Variants in ZBTB20 observed in about 807,000 individuals in gnomAD.
ZBTB20 encodes the protein zinc finger and BTB domain-containing protein 20.
In ZBTB20, 9 loss-of-function variants were observed where a neutral mutation model predicts 56.9. That is an observed-to-expected ratio of 0.16 (90% CI 0.10 to 0.28). ZBTB20 has a LOEUF of 0.28. Among genes scored for constraint, ZBTB20 ranks in the 10% least tolerant of loss-of-function variants. The pLI is 1.00. For synonymous variants in ZBTB20, 417 were observed against 420.7 expected (o/e 0.99, Z 0.11); for missense variants, 655 against 1,003.0 (o/e 0.65, Z 4.69).
At chr3:114,668,463 CTTTG>C (rs1338709657) in intron 6 of ZBTB20, among the ~76,000 whole-genome samples, 5 of 152,092 alleles carry the variant, frequency 3.3e-5, no homozygotes, top group East Asian at 1.9e-4. Context: ...GCTTTGGTCC[CTTTG>C]TTTGACAAGT....
intron 7 of ZBTB20, among the ~76,000 whole-genome samples, chr3:114,480,146 T>C (rs2041361975): frequency 2.0e-5 from 3 of 151,874 alleles, no homozygotes. Flanking sequence ...CTTAGTTTTA[T>C]GAAGAAAAAA....
chr3:114,465,614 G>A (rs2092514172), intron 7 of ZBTB20, among the ~76,000 whole-genome samples: 1 of 151,950 alleles, frequency 6.6e-6, no homozygotes, highest in Non-Finnish European at 1.5e-5. Context: ...GTCTGAGGCA[G>A]GAGAATCGCT....
At position 114,321,038 on chromosome 3, in the gene ZBTB20, C is replaced by A. The variant is rs2078874998; in HGVS notation, c.*17967G>T. Reference sequence around the variant, plus strand: ...CAGGTGGTTGAGCCAGCCAAAGCCTCCAAGTTATGTTAGGTGGACAGTAAG... The same window carrying A: ...CAGGTGGTTGAGCCAGCCAAAGCCTACAAGTTATGTTAGGTGGACAGTAAG... On this transcript the variant is annotated 3_prime_UTR_variant, in exon 12 of 12. Coordinates refer to ENST00000675478, the MANE Select transcript of ZBTB20 (RefSeq NM_001348800.3). 1 of 152,112 alleles carries A rather than the reference C, an allele frequency of 6.6e-6. No homozygotes were observed. The highest frequency in any genetic ancestry group is 1.5e-5 in the Non-Finnish European group (1 of 68,022). 9.4% of individuals were successfully genotyped at this position (152,112 alleles called of 1,614,324 possible).
intron 5 of ZBTB20, among the ~76,000 whole-genome samples, chr3:114,750,930 AG>A (rs1560206396): frequency 6.6e-6 from 1 of 152,190 alleles, no homozygotes. Context: ...CATTTCAGTA[AG>A]ATATCCTTAG....
At chr3:114,529,525 T>C (rs768902215) in intron 6 of ZBTB20, 1 of 152,228 alleles carries the variant, frequency 6.6e-6, no homozygotes, top group Non-Finnish European at 1.5e-5. Context: ...TATTTACTGA[T>C]ATGTAAGCTC....
At chr3:115,073,966 G>A (rs1388613341) in intron 1 of ZBTB20, among the ~76,000 whole-genome samples, 1 of 151,682 alleles carries the variant, frequency 6.6e-6, no homozygotes, top group Non-Finnish European at 1.5e-5. Flanking sequence ...AAAACAATTG[G>A]TCCATAATTA....
chr3:114,672,454 G>A (rs2061405551), intron 6 of ZBTB20, among the ~76,000 whole-genome samples: 1 of 152,126 alleles, frequency 6.6e-6, no homozygotes, highest in Non-Finnish European at 1.5e-5. Context: ...TGACTGACTT[G>A]TTGGCTACAG....
At chr3:114,458,379 T>C (rs1013475202) in intron 7 of ZBTB20, among the ~76,000 whole-genome samples, 1 of 152,176 alleles carries the variant, frequency 6.6e-6, no homozygotes, top group African/African-American at 2.4e-5. Context: ...GATCAGTGTA[T>C]AGTAGCTATG....
chr3:114,316,500 T>C lies in ZBTB20; in HGVS notation c.*22505A>G. 1 of 524,364 alleles carries C rather than the reference T, an allele frequency of 1.9e-6. No homozygotes were observed. The highest frequency in any genetic ancestry group is 3.9e-6 in the Non-Finnish European group (1 of 255,726). 32.5% of individuals were successfully genotyped at this position (524,364 alleles called of 1,614,324 possible). On this transcript the variant is annotated 3_prime_UTR_variant, in exon 12 of 12. Coordinates refer to ENST00000675478, the MANE Select transcript of ZBTB20 (RefSeq NM_001348800.3). ...CATATACACACCTATACATGTATAA[T>C]ATATACACTATATATATGTGGATAC...
At position 114,323,222 on chromosome 3, in the gene ZBTB20, T is replaced by C. The variant is rs1253622534; in HGVS notation, c.*15783A>G. 6.6e-6 allele frequency: 1 copy of C among 152,224 alleles called. No individual in the cohort carries two copies. Among genetic ancestry groups the C allele is most frequent in the African/African-American group, 2.4e-5 (1 of 41,474 alleles). 9.4% of individuals were successfully genotyped at this position (152,224 alleles called of 1,614,324 possible). On this transcript the variant is annotated 3_prime_UTR_variant, in exon 12 of 12. Transcript: ENST00000675478. Reference sequence around the variant, plus strand: ...GTTAGGAAAAAACCAATTTCAAAACTAAACTTTTAGGCACTATTAAGGTCT... The same window carrying C: ...GTTAGGAAAAAACCAATTTCAAAACCAAACTTTTAGGCACTATTAAGGTCT...
At chr3:114,751,393 T>C (rs2067545778) in intron 5 of ZBTB20, among the ~76,000 whole-genome samples, 2 of 152,176 alleles carry the variant, frequency 1.3e-5, no homozygotes, top group Admixed American at 1.3e-4. Flanking sequence ...TCTCTTAAAA[T>C]CACTTAAACT....
chr3:114,828,089 A>T (rs570009202), intron 4 of ZBTB20, among the ~76,000 whole-genome samples: 1 of 151,904 alleles, frequency 6.6e-6, no homozygotes, highest in African/African-American at 2.4e-5. Flanking sequence ...ACATATTTTA[A>T]TCTTATAATA....
At chr3:114,997,695 TTA>T (rs1308658614) in intron 2 of ZBTB20, among the ~76,000 whole-genome samples, 1 of 151,678 alleles carries the variant, frequency 6.6e-6, no homozygotes, top group Non-Finnish European at 1.5e-5. Context: ...AAAAGTAGAA[TTA>T]GTGTTCAAAA....
intron 6 of ZBTB20, among the ~76,000 whole-genome samples, chr3:114,592,382 G>T (rs1296790133): frequency 6.6e-6 from 1 of 152,100 alleles, no homozygotes; most frequent in Non-Finnish European, 1.5e-5. Flanking sequence ...TGGGCAAATC[G>T]ATTTCATTAG....
At position 115,074,618 on chromosome 3, in the gene ZBTB20, A is replaced by G. The variant is rs183270319; in HGVS notation, c.-702-3204T>C. Reference sequence around the variant, plus strand: ...AAACAACTAAAAATCTAAACAAAATATATAAAATATTTGCTTGCAGACATT... The same window carrying G: ...AAACAACTAAAAATCTAAACAAAATGTATAAAATATTTGCTTGCAGACATT... On this transcript the variant is annotated intron_variant, in intron 1 of 11. Coordinates refer to ENST00000675478, the MANE Select transcript of ZBTB20 (RefSeq NM_001348800.3). Among the ~76,000 whole-genome samples the G allele has an allele frequency of 2.8e-4, 43 of 152,316 alleles. No individual in the cohort carries two copies. The Middle Eastern group carries it at 0.031, about 108-fold the overall frequency.
chr3:114,444,355 T>C (rs2091129753), intron 7 of ZBTB20, among the ~76,000 whole-genome samples: 1 of 152,140 alleles, frequency 6.6e-6, no homozygotes, highest in African/African-American at 2.4e-5. Flanking sequence ...GGGAGTACAA[T>C]GCATTTGGGT....
chr3:114,724,918 A>G (rs2065164168), intron 5 of ZBTB20, among the ~76,000 whole-genome samples: 1 of 152,172 alleles, frequency 6.6e-6, no homozygotes. Context: ...TTTATAAAAT[A>G]CAATTTTATT....
intron 6 of ZBTB20, among the ~76,000 whole-genome samples, chr3:114,668,353 T>C (rs754175141): frequency 1.3e-5 from 2 of 152,046 alleles, no homozygotes; most frequent in African/African-American, 2.4e-5. Context: ...ACCCTGCTCC[T>C]ATGGTTACTA....
chr3:114,445,860 G>A (rs1416338246), intron 7 of ZBTB20, among the ~76,000 whole-genome samples: 1 of 151,980 alleles, frequency 6.6e-6, no homozygotes, highest in Non-Finnish European at 1.5e-5. Context: ...CAGGAGTCAA[G>A]GTATTTTTAA....
Sources: allele counts gnomAD v4.1 joint callset (sites outside exome capture counted in the v4.1 genomes callset), GRCh38; gene constraint gnomAD v4.1.1; transcripts MANE v1.5; gene names NCBI Gene and HGNC (gene_info 2026-07-23, HGNC 2026-07-21).